TMEM243: variants seen among roughly 807,000 people sequenced by gnomAD.
TMEM243 encodes the protein transmembrane protein 243, also known as MDR1 and mitochondrial taxol resistance associated.
Under a neutral mutation model 15.0 loss-of-function variants are expected in TMEM243, and 20 were observed. The observed-to-expected ratio is 1.33, with a 90% CI of 0.94 to 1.93. The LOEUF (loss-of-function observed/expected upper bound fraction) is 1.93. TMEM243 is among the 30% of genes most tolerant of loss of function. The pLI is 0.00. For synonymous variants in TMEM243, 72 were observed against 52.7 expected (o/e 1.37, Z -1.59); for missense variants, 156 against 142.1 (o/e 1.10, Z -0.50).
chr7:87,209,260 A>T (rs370519194), intron 1 of TMEM243, among the ~76,000 whole-genome samples: 1 of 151,134 alleles, frequency 6.6e-6, no homozygotes, highest in African/African-American at 2.4e-5. Flanking sequence ...ATCATGGTGG[A>T]ATGTGAAGGG....
Position 87,196,623 on chromosome 7 carries a change from C to T in TMEM243, c.*13G>A. Reference sequence around the variant, plus strand: ...TTTTGAAGAGTCCTGGTAAGTACTTCTCCTTGGCAGCCTCACCTTCCCACA... The same window carrying T: ...TTTTGAAGAGTCCTGGTAAGTACTTTTCCTTGGCAGCCTCACCTTCCCACA... On this transcript the variant is annotated 3_prime_UTR_variant, in exon 4 of 4. Transcript: ENST00000257637. The T allele has an allele frequency of 6.2e-7, 1 of 1,607,268 alleles. No individual in the cohort carries two copies. Among genetic ancestry groups the T allele is most frequent in the Non-Finnish European group, 8.5e-7 (1 of 1,177,114 alleles).
intron 3 of TMEM243, among the ~76,000 whole-genome samples, chr7:87,197,229 G>T (rs1473082422): frequency 6.6e-6 from 1 of 152,048 alleles, no homozygotes; most frequent in East Asian, 1.9e-4. Context: ...TTCTTCTTCG[G>T]GTCATGGGAG....
At chr7:87,219,371 G>T (rs1803330319) in intron 1 of TMEM243, 55 bp downstream of exon 1, 4 of 1,565,618 alleles carry the variant, frequency 2.6e-6, no homozygotes, top group Non-Finnish European at 3.5e-6. Flanking sequence ...CTCCGCCAGA[G>T]GGCAGGCAGC....
Position 87,207,313 on chromosome 7 carries a change from C to T in TMEM243, c.79-8256G>A, listed in dbSNP as rs1802301246. On this transcript the variant is annotated intron_variant, in intron 1 of 3. Transcript: ENST00000257637. ...AAAGTCTTTGCAGAAAAGCAAAAGC[C>T]GGCCGGGCGCGGTGGCTCACGCTTG... Among the ~76,000 whole-genome samples, 3 of 44,094 alleles carry T rather than the reference C, an allele frequency of 6.8e-5. 1 individual carries two copies. Among genetic ancestry groups the T allele is most frequent in the South Asian group, 1.3e-3 (2 of 1,596 alleles). 28.9% of individuals were successfully genotyped at this position (44,094 alleles called of 152,430 possible). A position where few individuals can be genotyped will look rare whatever the true frequency, so the allele number is the denominator to read the frequency against.
chr7:87,199,264 G>A (rs865953219), intron 1 of TMEM243: 3 of 469,196 alleles, frequency 6.4e-6, no homozygotes, highest in African/African-American at 6.1e-5. Flanking sequence ...ACTGGGGAAG[G>A]TTTCTTGAAG....
intron 1 of TMEM243, among the ~76,000 whole-genome samples, chr7:87,202,350 C>CA (rs1219204749): frequency 6.6e-6 from 1 of 152,016 alleles, no homozygotes; most frequent in African/African-American, 2.4e-5. Flanking sequence ...CATGGGAGAA[C>CA]AAAAGCATTG....
chr7:87,204,389 TAACTC>T (rs1802051901), intron 1 of TMEM243, among the ~76,000 whole-genome samples: 1 of 152,174 alleles, frequency 6.6e-6, no homozygotes, highest in African/African-American at 2.4e-5. Context: ...CCCAAAGTCT[TAACTC>T]ATTTCAGCAT....
At chr7:87,204,247 G>A (rs906336887) in intron 1 of TMEM243, among the ~76,000 whole-genome samples, 2 of 152,124 alleles carry the variant, frequency 1.3e-5, no homozygotes, top group Non-Finnish European at 2.9e-5. Flanking sequence ...CACAACACAT[G>A]GGAATTATGG....
At chr7:87,201,266 GCTCT>G (rs766652433) in intron 1 of TMEM243, among the ~76,000 whole-genome samples, 2 of 152,160 alleles carry the variant, frequency 1.3e-5, no homozygotes, top group Admixed American at 6.5e-5. Context: ...TACTTCTAAT[GCTCT>G]CTGTTTTAAA....
chr7:87,209,937 CAGGAGGGGGACAGAGAGACAG>C (rs1562885964), intron 1 of TMEM243, among the ~76,000 whole-genome samples: 1 of 119,768 alleles, frequency 8.3e-6, no homozygotes, highest in African/African-American at 3.3e-5. Flanking sequence ...GAGAGAGAAA[CAGGAGGGGGACAGAGAGACAG>C]AGGAGGGGGA....
At chr7:87,209,691 AGAGC>A (rs1346574944) in intron 1 of TMEM243, among the ~76,000 whole-genome samples, 15 of 136,782 alleles carry the variant, frequency 1.1e-4, no homozygotes, top group African/African-American at 4.4e-4. Flanking sequence ...ACACAGCGAG[AGAGC>A]GAGACACAGT....
chr7:87,197,320 ATTG>A (rs1260129643), intron 3 of TMEM243, among the ~76,000 whole-genome samples: 10 of 141,080 alleles, frequency 7.1e-5, no homozygotes, highest in South Asian at 6.4e-4. Flanking sequence ...GCAAATTACT[ATTG>A]TTTTTTCTTT....
intron 3 of TMEM243, chr7:87,197,629 C>A: frequency 2.1e-6 from 2 of 956,672 alleles, no homozygotes; most frequent in Non-Finnish European, 2.9e-6. Flanking sequence ...CTTACGTAGT[C>A]CTTGAGTGAA....
rs141212198 is a variant in TMEM243, at chr7:87,218,881, T to A, written c.78+545A>T. ...AAACATTTTAAAGCCTAGAATAACG[T>A]ATGGTAGCCTGTTCAGGTTCAGGGA... is the stretch of plus-strand genomic sequence containing the variant. On this transcript the variant is annotated intron_variant, in intron 1 of 3. Coordinates refer to ENST00000257637, the MANE Select transcript of TMEM243 (RefSeq NM_024315.4). Among the ~76,000 whole-genome samples the A allele has an allele frequency of 3.7e-4, 57 of 152,256 alleles. No homozygotes were observed. The East Asian group carries it at 0.01, about 28-fold the overall frequency.
chr7:87,209,541 T>C (rs376505887), intron 1 of TMEM243, among the ~76,000 whole-genome samples: 2 of 39,778 alleles, frequency 5.0e-5, no homozygotes, highest in Admixed American at 4.3e-4. Context: ...AGAGAGAAAG[T>C]GAGAGACAAT....
At chr7:87,212,155 T>C (rs1180646360) in intron 1 of TMEM243, among the ~76,000 whole-genome samples, 1 of 152,200 alleles carries the variant, frequency 6.6e-6, no homozygotes, top group Non-Finnish European at 1.5e-5. Context: ...CAAGAGAGTA[T>C]CTGACATTCA....
chr7:87,202,109 T>C (rs1035550363), intron 1 of TMEM243, among the ~76,000 whole-genome samples: 1 of 152,230 alleles, frequency 6.6e-6, no homozygotes, highest in African/African-American at 2.4e-5. Context: ...CATATATTTA[T>C]GCATTTAAAC....
chr7:87,209,539 A>AGACG (rs1466306637), intron 1 of TMEM243, among the ~76,000 whole-genome samples: 5 of 10,428 alleles, frequency 4.8e-4, no homozygotes, highest in Non-Finnish European at 1.0e-3. Context: ...TGAGAGAGAA[A>AGACG]GTGAGAGACA....
intron 1 of TMEM243, among the ~76,000 whole-genome samples, chr7:87,210,019 G>A (rs1802628424): frequency 9.4e-6 from 1 of 105,896 alleles, no homozygotes; most frequent in Admixed American, 9.5e-5. Flanking sequence ...AGAGAGAGAG[G>A]AGGGGGAGGA....
Sources: gnomAD v4.1 joint callset for allele counts (sites outside exome capture counted in the v4.1 genomes callset) on GRCh38, gnomAD v4.1.1 for gene constraint, MANE v1.5 for transcripts, NCBI Gene and HGNC (gene_info 2026-07-23, HGNC 2026-07-21) for gene names.